MYO18B: variants seen among roughly 807,000 people sequenced by gnomAD.
MYO18B encodes myosin XVIIIB.
Under a neutral mutation model 273.0 loss-of-function variants are expected in MYO18B, and 204 were observed. The ratio of observed to expected loss-of-function variants is 0.75; its 90% CI spans 0.67 to 0.84. The LOEUF is 0.84. MYO18B is among the 40% of genes least tolerant of loss of function. MYO18B has a pLI of 0.00. For missense variants in MYO18B, 3,212 were observed against 3,287.6 expected (o/e 0.98, Z 0.56); for synonymous variants, 1,330 against 1,305.7 (o/e 1.02, Z -0.40).
At chr22:26,044,415 G>A in the MYO18B span, among the ~76,000 whole-genome samples, 2 of 152,160 alleles carry the variant, frequency 1.3e-5, no homozygotes, top group African/African-American at 4.8e-5. Flanking sequence ...AAAGGTCACT[G>A]AGATATTCTC....
At chr22:25,810,495 G>A (rs1023338683) in intron 12 of MYO18B, among the ~76,000 whole-genome samples, 2 of 143,342 alleles carry the variant, frequency 1.4e-5, no homozygotes, top group Non-Finnish European at 3.0e-5. Flanking sequence ...GTGCAGTGAC[G>A]TGATCTCGGC....
rs184784814 is a variant in MYO18B, at chr22:25,944,430, A to G, written c.5518-1707A>G. Among the ~76,000 whole-genome samples, 213 of 152,194 alleles carry G rather than the reference A, an allele frequency of 1.4e-3. 3 individuals are homozygous for G. The South Asian group carries it at 0.031, about 22-fold the overall frequency. On this transcript the variant is annotated intron_variant, in intron 34 of 43. Coordinates refer to ENST00000335473, the MANE Select transcript of MYO18B (RefSeq NM_032608.7). ...CGAATGTTTACCTTAGGTGATTTCTAAGAGTGTTTTCTGTTCCGAGATACA... is the reference window on the plus strand; with the variant it reads ...CGAATGTTTACCTTAGGTGATTTCTGAGAGTGTTTTCTGTTCCGAGATACA...
intron 7 of MYO18B, among the ~76,000 whole-genome samples, chr22:25,773,630 A>AT (rs2086808306): frequency 1.3e-5 from 2 of 151,910 alleles, no homozygotes; most frequent in Non-Finnish European, 2.9e-5. Flanking sequence ...CGCCCAGCTA[A>AT]TTTTTTGTAT....
intron 3 of MYO18B, among the ~76,000 whole-genome samples, chr22:25,764,490 C>A (rs1022378231): frequency 6.6e-6 from 1 of 152,168 alleles, no homozygotes; most frequent in Non-Finnish European, 1.5e-5. Flanking sequence ...TGGCTTGAGC[C>A]CAGTGACCCA....
rs12170425 is a variant in MYO18B, at chr22:25,860,107, C to T, written c.3886-8213C>T. ...GAAAGACTATTATCATTTCTCCCAG[C>T]GAATTGTGTTGGAACCTTTGTCAAA... is the stretch of plus-strand genomic sequence containing the variant. On this transcript the variant is annotated intron_variant, in intron 21 of 43. Coordinates refer to ENST00000335473, the MANE Select transcript of MYO18B (RefSeq NM_032608.7). Among the ~76,000 whole-genome samples, 928 of 152,236 alleles carry T rather than the reference C, an allele frequency of 6.1e-3. 10 individuals carry two copies. Among genetic ancestry groups the T allele is most frequent in the African/African-American group, 0.021 (875 of 41,536 alleles).
At chr22:25,891,990 C>T (rs1389627785) in intron 27 of MYO18B, among the ~76,000 whole-genome samples, 1 of 152,164 alleles carries the variant, frequency 6.6e-6, no homozygotes, top group Non-Finnish European at 1.5e-5. Flanking sequence ...GGCTACAGAG[C>T]AAGACCCTGT....
chr22:25,986,073 C>T (rs2093199625), intron 39 of MYO18B, among the ~76,000 whole-genome samples: 1 of 152,206 alleles, frequency 6.6e-6, no homozygotes, highest in South Asian at 2.1e-4. Context: ...CACCTGGCAT[C>T]ATTGGATGAA....
At chr22:25,997,463 C>T (rs1316149918) in intron 40 of MYO18B, among the ~76,000 whole-genome samples, 2 of 152,086 alleles carry the variant, frequency 1.3e-5, no homozygotes, top group Non-Finnish European at 2.9e-5. Flanking sequence ...CCAGCCCTGA[C>T]CCCAGGGTGG....
Position 25,843,822 on chromosome 22 carries a change from C to T in MYO18B, c.3296C>T (p.Thr1099Met), listed in dbSNP as rs147821283. The part of the protein sequence containing the change: ...LGWDPVRYDL[T>M]GWLHRAKPNL... ...TGGGACCCTGTGCGGTACGACCTCA[C>T]GGGCTGGCTCCACAGAGCCAAGCCC... The change falls in exon 18 of 44, where the codon ACG becomes ATG. Residue 1099 changes from threonine to methionine, a missense_variant. Physicochemically the swap from Thr to Met is moderately conservative, Grantham distance 81. Transcript: ENST00000335473. 172 of 1,613,684 alleles carry T rather than the reference C, an allele frequency of 1.1e-4. No homozygotes were observed. The highest frequency in any genetic ancestry group is 5.6e-4 in the South Asian group (51 of 91,068).
intron 42 of MYO18B, among the ~76,000 whole-genome samples, chr22:26,008,124 A>G (rs1391991745): frequency 2.0e-5 from 3 of 152,204 alleles, no homozygotes; most frequent in African/African-American, 7.2e-5. Context: ...TTTCCTTACC[A>G]GTATGCATAA....
At chr22:26,017,025 T>TTTCCTTCCTTCCTTCCTTCCTTCC (rs59617056) in intron 42 of MYO18B, among the ~76,000 whole-genome samples, 6 of 124,130 alleles carry the variant, frequency 4.8e-5, no homozygotes, top group South Asian at 2.9e-4. Context: ...ATTAGGCTAA[T>TTTCCTTCCTTCCTTCCTTCCTTCC]TTCCTTCCTT....
At chr22:25,759,002 C>A (rs2086216571) in intron 1 of MYO18B, among the ~76,000 whole-genome samples, 1 of 152,056 alleles carries the variant, frequency 6.6e-6, no homozygotes, top group African/African-American at 2.4e-5. Context: ...GATCTGCCTG[C>A]CTTGGCCTCC....
At chr22:26,007,760 T>C (rs552984691) in intron 42 of MYO18B, among the ~76,000 whole-genome samples, 68 of 152,316 alleles carry the variant, frequency 4.5e-4, no homozygotes, top group African/African-American at 1.6e-3. Flanking sequence ...TCCAAATTTA[T>C]GGTATGAACT....
chr22:25,972,810 C>T (rs1209387656), intron 39 of MYO18B, among the ~76,000 whole-genome samples: 1 of 151,866 alleles, frequency 6.6e-6, no homozygotes, highest in East Asian at 1.9e-4. Context: ...ACAAAAATTA[C>T]CTGGGTGTGG....
In MYO18B at chr22:25,846,240, C is replaced by T. The variant is rs754177763; in HGVS notation, c.3509C>T (p.Ala1170Val). 1.6e-5 allele frequency: 25 copies of T among 1,612,100 alleles called. No individual in the cohort carries two copies. The highest frequency in any genetic ancestry group is 2.0e-4 in the Middle Eastern group (1 of 4,978). Reference protein sequence around the residue: ...VRRTFASSLAAVRRKAPCSQI... With the variant: ...VRRTFASSLAVVRRKAPCSQI... ...AGGACCTTTGCCAGCAGCCTTGCCG[C>T]GGTGAGGAGGAAAGCCCCGTGCTCC... The change falls in exon 19 of 44, where the codon GCG (alanine) becomes GTG (valine). Residue 1170 changes from alanine to valine, a missense_variant. Transcript: ENST00000335473.
chr22:25,867,752 C>T (rs1280101526), intron 21 of MYO18B, among the ~76,000 whole-genome samples: 6 of 152,148 alleles, frequency 3.9e-5, no homozygotes, highest in African/African-American at 7.2e-5. Flanking sequence ...GCCTCAGCCT[C>T]CCGAGTAGCT....
intron 32 of MYO18B, 114 bp downstream of exon 32, chr22:25,908,546 T>C (rs879445610): frequency 1.2e-4 from 100 of 801,384 alleles, no homozygotes; most frequent in Non-Finnish European, 2.0e-4. Context: ...ACAAGCTCTT[T>C]CTGCAATCAT....
In MYO18B at chr22:25,953,555, A is replaced by G. The variant is rs1290417650; in HGVS notation, c.5970+1132A>G. Reference sequence around the variant, plus strand: ...AATAAGGCTGCTATGGATGAAGAACAGAGAGAAATTCTTCTTTGCTTTGAC... The same window carrying G: ...AATAAGGCTGCTATGGATGAAGAACGGAGAGAAATTCTTCTTTGCTTTGAC... On this transcript the variant is annotated intron_variant, in intron 38 of 43. Transcript: ENST00000335473. 3.3e-5 allele frequency: 5 copies of G among 152,328 alleles called. No homozygotes were observed. In the East Asian group the frequency reaches 9.6e-4, roughly 29 times the overall value. The allele number at this position is 152,328 out of a possible 1,614,324, so 9.4% of individuals were successfully genotyped here.
intron 36 of MYO18B, among the ~76,000 whole-genome samples, chr22:25,949,139 G>C (rs138312880): frequency 6.6e-6 from 1 of 152,176 alleles, no homozygotes; most frequent in Non-Finnish European, 1.5e-5. Flanking sequence ...AAGCTTTTCA[G>C]GGGCAAGAGC....
Sources: gnomAD v4.1 joint callset for allele counts (sites outside exome capture counted in the v4.1 genomes callset) on GRCh38, gnomAD v4.1.1 for gene constraint, MANE v1.5 for transcripts, NCBI Gene and HGNC (gene_info 2026-07-23, HGNC 2026-07-21) for gene names.